Variants in CEP85L observed in about 807,000 individuals in gnomAD.
CEP85L encodes the protein centrosomal protein 85L, also known as centrosomal protein of 85 kDa-like.
Under a neutral mutation model 100.3 loss-of-function variants are expected in CEP85L, and 60 were observed. The ratio of observed to expected loss-of-function variants is 0.60; its 90% CI spans 0.49 to 0.74. CEP85L has a LOEUF of 0.74. CEP85L is among the 30% of genes least tolerant of loss of function. CEP85L has a pLI of 0.00. For synonymous variants in CEP85L, 319 were observed against 322.7 expected, an observed-to-expected ratio of 0.99 and a Z score of 0.12; for missense variants, 973 against 936.2, an observed-to-expected ratio of 1.04 and a Z score of -0.51.
chr6:118,680,109 G>C (rs2115445152), intron 1 of CEP85L, among the ~76,000 whole-genome samples: 1 of 151,338 alleles, frequency 6.6e-6, no homozygotes, highest in Non-Finnish European at 1.5e-5. Context: ...AACACAGTGA[G>C]ACCCCCACCC....
At chr6:118,602,262 A>G (rs1206394659) in intron 2 of CEP85L, among the ~76,000 whole-genome samples, 2 of 152,194 alleles carry the variant, frequency 1.3e-5, no homozygotes, top group African/African-American at 4.8e-5. Flanking sequence ...ACAGAAGGTA[A>G]ATGTTTAATT....
At chr6:118,515,722 T>G (rs1010442311) in intron 4 of CEP85L, among the ~76,000 whole-genome samples, 11 of 152,134 alleles carry the variant, frequency 7.2e-5, no homozygotes, top group Non-Finnish European at 1.2e-4. Context: ...AAATTAAAAT[T>G]TGTAAGATAT....
At chr6:118,600,370 T>TGTGTGTGTGTGTGTGTGTGTGTGTGTG (rs58066356) in intron 2 of CEP85L, among the ~76,000 whole-genome samples, 1 of 86,368 alleles carries the variant, frequency 1.2e-5, no homozygotes, top group African/African-American at 4.2e-5. Context: ...TGTGTGTGTG[T>TGTGTGTGTGTGTGTGTGTGTGTGTGTG]AACGCCATGG....
At chr6:118,670,069 G>A (rs1471658756) in intron 1 of CEP85L, among the ~76,000 whole-genome samples, 3 of 151,736 alleles carry the variant, frequency 2.0e-5, no homozygotes, top group South Asian at 2.1e-4. Flanking sequence ...CTCTCCCTGC[G>A]ATAGAATTAC....
At chr6:118,479,547 T>G (rs897710998) in intron 10 of CEP85L, among the ~76,000 whole-genome samples, 6 of 152,138 alleles carry the variant, frequency 3.9e-5, no homozygotes, top group Non-Finnish European at 8.8e-5. Flanking sequence ...GCCTACTTAA[T>G]TTTTTAAAAT....
intron 3 of CEP85L, among the ~76,000 whole-genome samples, chr6:118,551,461 T>C (rs1307792959): frequency 6.6e-6 from 1 of 151,842 alleles, no homozygotes; most frequent in African/African-American, 2.4e-5. Context: ...AGATTCTGAA[T>C]TTCCAACTCC....
chr6:118,685,965 G>T (rs1475023335), intron 1 of CEP85L, among the ~76,000 whole-genome samples: 1 of 152,176 alleles, frequency 6.6e-6, no homozygotes, highest in Non-Finnish European at 1.5e-5. Flanking sequence ...GGGAAATGGG[G>T]AATGCTTGGA....
At chr6:118,615,080 C>T (rs915495175) in intron 2 of CEP85L, among the ~76,000 whole-genome samples, 3 of 151,952 alleles carry the variant, frequency 2.0e-5, no homozygotes, top group Admixed American at 6.5e-5. Flanking sequence ...AACTATACAA[C>T]GCTGATGAGC....
At chr6:118,559,625 T>C (rs1367889577) in intron 3 of CEP85L, 1 of 169,862 alleles carries the variant, frequency 5.9e-6, no homozygotes, top group Non-Finnish European at 1.4e-5. Flanking sequence ...ACTATCAGAA[T>C]CTACATTCTA....
At chr6:118,471,858 C>T (rs953490942) in intron 10 of CEP85L, among the ~76,000 whole-genome samples, 4 of 151,042 alleles carry the variant, frequency 2.6e-5, no homozygotes, top group Non-Finnish European at 5.9e-5. Context: ...ATTAGATTGA[C>T]TCAAATCTTA....
intron 1 of CEP85L, among the ~76,000 whole-genome samples, chr6:118,686,921 C>A (rs1178194421): frequency 6.6e-6 from 1 of 152,102 alleles, no homozygotes; most frequent in African/African-American, 2.4e-5. Flanking sequence ...GAGAATGAAG[C>A]CTACATGCCT....
chr6:118,594,122 T>C (rs1020993201), intron 2 of CEP85L, among the ~76,000 whole-genome samples: 1 of 152,160 alleles, frequency 6.6e-6, no homozygotes, highest in Non-Finnish European at 1.5e-5. Context: ...ATATATACAA[T>C]GATTAGGGGA....
At chr6:118,584,242 G>A (rs1396689983) in intron 2 of CEP85L, among the ~76,000 whole-genome samples, 4 of 152,138 alleles carry the variant, frequency 2.6e-5, no homozygotes, top group Non-Finnish European at 4.4e-5. Flanking sequence ...CAAAACCCAA[G>A]GCCCAGCTCT....
At chr6:118,541,366 T>C (rs1301962066) in intron 3 of CEP85L, among the ~76,000 whole-genome samples, 3 of 152,226 alleles carry the variant, frequency 2.0e-5, no homozygotes, top group Non-Finnish European at 4.4e-5. Flanking sequence ...CAAAACCATG[T>C]ATAACTCTCA....
intron 3 of CEP85L, among the ~76,000 whole-genome samples, chr6:118,534,745 T>C (rs1172883855): frequency 6.6e-6 from 1 of 152,062 alleles, no homozygotes; most frequent in Admixed American, 6.5e-5. Flanking sequence ...AAAGGCCAGG[T>C]GCAGTCAGTC....
intron 4 of CEP85L, among the ~76,000 whole-genome samples, chr6:118,517,064 T>C (rs912472749): frequency 9.9e-5 from 15 of 152,180 alleles, no homozygotes; most frequent in African/African-American, 3.4e-4. Context: ...TGCAGGTGTA[T>C]GATGTTATTT....
chr6:118,549,400 G>A (rs775579093), intron 3 of CEP85L, among the ~76,000 whole-genome samples: 12 of 151,598 alleles, frequency 7.9e-5, no homozygotes, highest in African/African-American at 1.2e-4. Context: ...TAAATGAAAC[G>A]TTTCCTCATT....
intron 1 of CEP85L, among the ~76,000 whole-genome samples, chr6:118,644,437 A>C (rs548072923): frequency 1.4e-4 from 22 of 152,176 alleles, no homozygotes; most frequent in African/African-American, 5.3e-4. Context: ...TCAAATTCCT[A>C]TCTCTCACCC....
rs78195068 is a variant in CEP85L at position 118,582,190 on chromosome 6, C to T, written c.233-15874G>A. On this transcript the variant is annotated intron_variant, in intron 2 of 12. Coordinates refer to ENST00000368491, the MANE Select transcript of CEP85L (RefSeq NM_001042475.3). The stretch of plus-strand genomic sequence containing the variant: ...TATCTCCAGTATATCCTACTCTCCC[C>T]GCTTCATTCTTACCTCTGCAGGAAA... 3.3e-3 allele frequency among the ~76,000 whole-genome samples: 495 copies of T among 152,280 alleles called. 4 individuals are homozygous for T. The highest frequency in any genetic ancestry group is 0.011 in the African/African-American group (465 of 41,548).
Sources: allele counts gnomAD v4.1 joint callset (sites outside exome capture counted in the v4.1 genomes callset), GRCh38; gene constraint gnomAD v4.1.1; transcripts MANE v1.5; gene names NCBI Gene and HGNC (gene_info 2026-07-23, HGNC 2026-07-21).